The following WLS variants were observed in gnomAD, a reference collection of about 807,000 sequenced individuals.
WLS encodes protein wntless homolog.
In WLS, 23 loss-of-function variants were observed where a neutral mutation model predicts 62.8. That is an observed-to-expected ratio of 0.37 (90% CI 0.26 to 0.52). WLS has a LOEUF of 0.52. WLS is among the 20% of genes least tolerant of loss of function. The pLI, the probability that WLS is intolerant of heterozygous loss-of-function variation, is 0.92. For synonymous variants in WLS, 246 were observed against 244.1 expected, an observed-to-expected ratio of 1.01 and a Z score of -0.07; for missense variants, 615 against 697.3, an observed-to-expected ratio of 0.88 and a Z score of 1.33.
At position 68,224,980 on chromosome 1, in the gene WLS, C is replaced by T. The variant is rs553479815; in HGVS notation, c.106+7214G>A. Among the ~76,000 whole-genome samples the T allele has an allele frequency of 5.3e-5, 8 of 152,270 alleles. No individual in the cohort carries two copies. In the East Asian group the frequency reaches 1.5e-3, roughly 29 times the overall value. Reference sequence around the variant, plus strand: ...CTATCTCTGCACTCTTATTTACTATCTCTGCAACCTCAAAAAAGGTTCTTA... The same window carrying T: ...CTATCTCTGCACTCTTATTTACTATTTCTGCAACCTCAAAAAAGGTTCTTA... On this transcript the variant is annotated intron_variant, in intron 1 of 11. Transcript: ENST00000262348.
intron 2 of WLS, among the ~76,000 whole-genome samples, chr1:68,186,937 C>T (rs1286692920): frequency 6.6e-6 from 1 of 151,978 alleles, no homozygotes; most frequent in Non-Finnish European, 1.5e-5. Context: ...GCTGGCCAGG[C>T]ATGGTAGCTC....
At chr1:68,191,418 A>T (rs887032076) in intron 2 of WLS, among the ~76,000 whole-genome samples, 11 of 152,186 alleles carry the variant, frequency 7.2e-5, no homozygotes, top group Non-Finnish European at 1.6e-4. Context: ...TTTCAAAAAA[A>T]AATTTTTAGA....
At chr1:68,165,063 C>G (rs916540727) in intron 2 of WLS, among the ~76,000 whole-genome samples, 1 of 152,168 alleles carries the variant, frequency 6.6e-6, no homozygotes, top group Non-Finnish European at 1.5e-5. Context: ...CAATAAAGTA[C>G]ATCCTACTTA....
intron 11 of WLS, among the ~76,000 whole-genome samples, chr1:68,109,654 A>G (rs12090694): frequency 0.47 from 70,802 of 151,994 alleles, 16,785 homozygotes; most frequent in Middle Eastern, 0.53. Context: ...AGTGGAAAAT[A>G]GAGTTGAAGA....
chr1:68,105,834 C>T (rs1020453627), intron 11 of WLS, among the ~76,000 whole-genome samples: 1 of 152,000 alleles, frequency 6.6e-6, no homozygotes, highest in African/African-American at 2.4e-5. Flanking sequence ...GTACCGTACA[C>T]CTAACACCAG....
Position 68,155,129 on chromosome 1 carries a change from T to C in WLS, c.636A>G (p.Gly212=), listed in dbSNP as rs1408934888. ...PVNEKKKINV[G]IGEIKDIRLV... is the part of the protein sequence containing the mutation. Reference sequence around the variant, plus strand: ...ACCGGATATCCTTTATCTCCCCAATTCCCACATTGATTTTCTTCTTCTCAT... The same window carrying C: ...ACCGGATATCCTTTATCTCCCCAATCCCCACATTGATTTTCTTCTTCTCAT... Residue 212 remains glycine, a synonymous_variant, in exon 4 of 12, where the codon GGA becomes GGG. Coordinates refer to ENST00000262348, the MANE Select transcript of WLS (RefSeq NM_024911.7). The C allele has an allele frequency of 1.9e-6, 3 of 1,613,906 alleles. No homozygotes were observed. Among genetic ancestry groups the C allele is most frequent in the East Asian group, 2.2e-5 (1 of 44,858 alleles).
At chr1:68,173,808 C>A (rs1647190096) in intron 2 of WLS, among the ~76,000 whole-genome samples, 1 of 152,168 alleles carries the variant, frequency 6.6e-6, no homozygotes, top group Non-Finnish European at 1.5e-5. Context: ...ACTTTCCCTG[C>A]TGACTTCTTC....
At chr1:68,206,465 C>G (rs1015515059) in intron 1 of WLS, among the ~76,000 whole-genome samples, 5 of 152,180 alleles carry the variant, frequency 3.3e-5, no homozygotes, top group Non-Finnish European at 7.3e-5. Context: ...TCAGTTAACA[C>G]TTGGTGAGTG....
intron 1 of WLS, among the ~76,000 whole-genome samples, chr1:68,200,485 C>T (rs987693039): frequency 2.1e-4 from 3 of 13,970 alleles, no homozygotes; most frequent in South Asian, 2.6e-3. Context: ...AATGTTGGGG[C>T]GGGGGTGGGC....
chr1:68,213,805 A>C, intron 1 of WLS, among the ~76,000 whole-genome samples: 1 of 152,152 alleles, frequency 6.6e-6, no homozygotes, highest in East Asian at 1.9e-4. Context: ...GGCAAAATCC[A>C]TGTGTTTACT....
intron 2 of WLS, among the ~76,000 whole-genome samples, chr1:68,186,212 T>C (rs1356714452): frequency 6.6e-6 from 1 of 152,208 alleles, no homozygotes; most frequent in African/African-American, 2.4e-5. Context: ...TGTAAGTCAA[T>C]GCTTTTCTAG....
intron 6 of WLS, among the ~76,000 whole-genome samples, chr1:68,149,933 C>G (rs1180229400): frequency 2.0e-5 from 3 of 152,182 alleles, no homozygotes; most frequent in Non-Finnish European, 4.4e-5. Flanking sequence ...TGCAGTAGGT[C>G]TTTACATCCC....
intron 1 of WLS, among the ~76,000 whole-genome samples, chr1:68,227,212 G>C (rs952088407): frequency 6.6e-6 from 1 of 152,012 alleles, no homozygotes; most frequent in Non-Finnish European, 1.5e-5. Flanking sequence ...CGGCCAACCC[G>C]GTGAAACCCC....
intron 1 of WLS, chr1:68,231,662 A>G (rs1650426212): frequency 4.5e-6 from 2 of 441,868 alleles, no homozygotes; most frequent in Non-Finnish European, 9.2e-6. Flanking sequence ...CAAATTGCAA[A>G]CCCTCAGCCC....
chr1:68,193,031 C>T (rs368932813), intron 2 of WLS, among the ~76,000 whole-genome samples: 4 of 150,518 alleles, frequency 2.7e-5, no homozygotes, highest in Admixed American at 6.6e-5. Flanking sequence ...ATCACTTGAA[C>T]GCGGGAGGCG....
chr1:68,203,827 T>C (rs997966631), intron 1 of WLS, among the ~76,000 whole-genome samples: 1 of 152,186 alleles, frequency 6.6e-6, no homozygotes, highest in Non-Finnish European at 1.5e-5. Flanking sequence ...ATGGCACAGT[T>C]TGACTCAGGA....
chr1:68,145,950 C>A lies in WLS; in HGVS notation c.1197G>T (p.Met399Ile). The A allele has an allele frequency of 6.2e-7, 1 of 1,614,122 alleles. No individual in the cohort carries two copies. The highest frequency in any genetic ancestry group is 8.5e-7 in the Non-Finnish European group (1 of 1,180,036). The part of the protein sequence containing the change: ...LCLYFLFLCF[M>I]VFQVFRNISG... ...TGATGTTCCGAAACACCTGAAATAC[C>A]ATGAAGCATAGAAACAGGAAGTAGA... The change falls in exon 9 of 12, where the codon ATG becomes ATT. Residue 399 changes from methionine to isoleucine, a missense_variant. Physicochemically the swap from Met to Ile is conservative, Grantham distance 10. Coordinates refer to ENST00000262348, the MANE Select transcript of WLS (RefSeq NM_024911.7).
In WLS at chr1:68,201,276, A is replaced by G. The variant is rs570769465; in HGVS notation, c.107-7049T>C. ...TTTCTTAATATCTGCCATACCACTTATCTAAGTTTTGGGTGGCTAATTAGA... is the reference window on the plus strand; with the variant it reads ...TTTCTTAATATCTGCCATACCACTTGTCTAAGTTTTGGGTGGCTAATTAGA... On this transcript the variant is annotated intron_variant, in intron 1 of 11. Transcript: ENST00000262348. Among the ~76,000 whole-genome samples the G allele has an allele frequency of 1.4e-4, 21 of 152,310 alleles. 1 individual carries two copies. Among genetic ancestry groups the G allele is most frequent in the Middle Eastern group, 3.4e-3 (1 of 294 alleles).
intron 1 of WLS, among the ~76,000 whole-genome samples, chr1:68,210,867 T>C (rs1439069811): frequency 6.6e-6 from 1 of 152,038 alleles, no homozygotes; most frequent in East Asian, 1.9e-4. Flanking sequence ...GAATAGATGA[T>C]CAAGGGGTAA....
Sources: gnomAD v4.1 joint callset for allele counts (sites outside exome capture counted in the v4.1 genomes callset) on GRCh38, gnomAD v4.1.1 for gene constraint, MANE v1.5 for transcripts, NCBI Gene and HGNC (gene_info 2026-07-23, HGNC 2026-07-21) for gene names.